Variants in CCDC146 observed in about 807,000 individuals in gnomAD.
CCDC146 encodes coiled-coil domain containing 146.
CCDC146 carries 92 observed loss-of-function variants against 119.3 expected under a neutral mutation model. The observed-to-expected ratio is 0.77, with a 90% CI of 0.65 to 0.92. CCDC146 has a LOEUF of 0.92. Ranked by LOEUF, CCDC146 falls within the 40% of genes least tolerant of loss-of-function variation. The probability of loss-of-function intolerance (pLI) is 0.00; values close to 1 mark genes in which losing one functional copy is unlikely to be tolerated. For synonymous variants in CCDC146, 372 were observed against 371.8 expected (o/e 1.00, Z -0.01); for missense variants, 1,000 against 1,103.0 (o/e 0.91, Z 1.32).
At chr7:77,166,973 C>T (rs71555978) in intron 1 of CCDC146, among the ~76,000 whole-genome samples, 21,705 of 152,132 alleles carry the variant, frequency 0.14, 2,055 homozygotes, top group East Asian at 0.26. Context: ...ATTATTGTTA[C>T]TGCATTGATT....
At chr7:77,191,300 C>A (rs956143537) in intron 2 of CCDC146, among the ~76,000 whole-genome samples, 2 of 152,132 alleles carry the variant, frequency 1.3e-5, no homozygotes, top group Non-Finnish European at 2.9e-5. Flanking sequence ...CCATATTCTC[C>A]CTGGCTGTAA....
Position 77,241,693 on chromosome 7 carries a change from C to T in CCDC146, c.242C>T (p.Thr81Ile), listed in dbSNP as rs745648925. The T allele has an allele frequency of 1.2e-6, 2 of 1,613,674 alleles. No individual in the cohort carries two copies. The highest frequency in any genetic ancestry group is 8.5e-7 in the Non-Finnish European group (1 of 1,179,896). Residue 81 changes from threonine to isoleucine, a missense_variant and splice_region_variant, in exon 4 of 19, where the codon ACA (threonine) becomes ATA (isoleucine). By Grantham distance (89) the Thr-to-Ile change is moderately conservative (BLOSUM62 -1). Around this residue, in one of 2 missense-constraint regions of CCDC146, gnomAD observed 985 missense variants for 1,045.3 expected, o/e 0.94. Transcript: ENST00000285871. ...YTLLHDAVMSTQESEVQLLQN... is the reference protein window; with the variant it reads ...YTLLHDAVMSIQESEVQLLQN... ...TCTCTGTTTTTCATGTAACCCAGCA[C>T]ACAAGAGTCAGAGGTCCAACTGCTA...
rs145398188 is a variant in CCDC146 at position 77,244,088 on chromosome 7, G to C, written c.449+2188G>C. The stretch of plus-strand genomic sequence containing the variant: ...AGACGGGATTTCACCATCTTGGCCA[G>C]GGTGGTCTTGAACTCCTGTATGTCT... On this transcript the variant is annotated intron_variant, in intron 4 of 18. Coordinates refer to ENST00000285871, the MANE Select transcript of CCDC146 (RefSeq NM_020879.3). Among the ~76,000 whole-genome samples the C allele has an allele frequency of 4.2e-3, 640 of 152,120 alleles. 5 individuals are homozygous for C. Among genetic ancestry groups the C allele is most frequent in the African/African-American group, 0.014 (590 of 41,494 alleles).
At chr7:77,136,939 G>T (rs1190123413) in intron 1 of CCDC146, among the ~76,000 whole-genome samples, 1 of 152,078 alleles carries the variant, frequency 6.6e-6, no homozygotes. Flanking sequence ...ATGCAAGGCT[G>T]GTTCAACACT....
intron 2 of CCDC146, among the ~76,000 whole-genome samples, chr7:77,168,276 A>T (rs1403487814): frequency 6.6e-6 from 1 of 152,064 alleles, no homozygotes; most frequent in Admixed American, 6.6e-5. Flanking sequence ...AAAGGGGAAT[A>T]TGATGAATTA....
intron 2 of CCDC146, among the ~76,000 whole-genome samples, chr7:77,222,251 A>G (rs1347401197): frequency 6.6e-6 from 1 of 152,250 alleles, no homozygotes; most frequent in East Asian, 1.9e-4. Flanking sequence ...TTCTGTGAGT[A>G]GCCGTGAAAG....
At chr7:77,141,869 G>C (rs1387557157) in intron 1 of CCDC146, among the ~76,000 whole-genome samples, 1 of 152,112 alleles carries the variant, frequency 6.6e-6, no homozygotes, top group Non-Finnish European at 1.5e-5. Flanking sequence ...TAGGTTGCCT[G>C]TTCACTGTGA....
rs1360691937 is a variant in CCDC146 at position 77,273,769 on chromosome 7, A to C, written c.1249A>C (p.Lys417Gln). ...RELHKEVEVAKRNLAQQKIIS... is the reference protein window; with the variant it reads ...RELHKEVEVAQRNLAQQKIIS... ...GCTTCACAAGGAAGTTGAAGTAGCT[A>C]AGAGGAATTTGGCCCAACAGGTTAA... is the stretch of plus-strand genomic sequence containing the variant. Residue 417 changes from lysine to glutamine, a missense_variant, in exon 10 of 19, where the codon AAG becomes CAG. By Grantham distance (53) the Lys-to-Gln change is moderately conservative. Transcript: ENST00000285871. The C allele has an allele frequency of 6.2e-7, 1 of 1,610,856 alleles. No individual in the cohort carries two copies. The highest frequency in any genetic ancestry group is 1.1e-5 in the South Asian group (1 of 90,776).
At chr7:77,206,766 A>G (rs573941656) in intron 2 of CCDC146, among the ~76,000 whole-genome samples, 14 of 151,464 alleles carry the variant, frequency 9.2e-5, no homozygotes, top group South Asian at 8.3e-4. Context: ...ATGTCATGCC[A>G]TATAGAACAT....
At chr7:77,184,229 A>G (rs1198599260) in intron 2 of CCDC146, among the ~76,000 whole-genome samples, 1 of 152,238 alleles carries the variant, frequency 6.6e-6, no homozygotes. Flanking sequence ...TTCACACATT[A>G]TATATTCTCC....
rs375190124 is a variant in CCDC146 at position 77,261,324 on chromosome 7, C to G, written c.987-797C>G. 1.1e-3 allele frequency among the ~76,000 whole-genome samples: 161 copies of G among 152,220 alleles called. 4 individuals are homozygous for G. The South Asian group carries it at 0.033, about 31-fold the overall frequency. ...TGTGTGTTGTTCTTCTCTATGTGTC[C>G]ATGTATCCTCATCATTTTGCTCCCA... On this transcript the variant is annotated intron_variant, in intron 8 of 18. Transcript: ENST00000285871.
intron 9 of CCDC146, among the ~76,000 whole-genome samples, chr7:77,271,547 T>G (rs1474493267): frequency 3.4e-4 from 32 of 94,074 alleles, no homozygotes; most frequent in African/African-American, 1.6e-3. Flanking sequence ...TATATATATA[T>G]ATATATATAT....
rs150921172 is a variant in CCDC146, at chr7:77,167,812, T to G, written c.144T>G (p.Ile48Met). ...FVDLSETPAF[I>M]FLHELHAMGK... ...ATTTATCTGAAACTCCAGCTTTCAT[T>G]TTTCTGCATGAGGTATATTTTTCTT... Residue 48 changes from isoleucine to methionine, a missense_variant, in exon 2 of 19, where the codon ATT becomes ATG. Ile to Met is a conservative substitution (Grantham distance 10). Transcript: ENST00000285871. 14 of 1,611,770 alleles carry G rather than the reference T, an allele frequency of 8.7e-6. No individual in the cohort carries two copies. The African/African-American group carries it at 1.9e-4, about 22-fold the overall frequency.
At position 77,274,487 on chromosome 7, in the gene CCDC146, T is replaced by C; in HGVS notation, c.1275T>C (p.Ile425=). Residue 425 remains isoleucine, a synonymous_variant, in exon 11 of 19, where the codon ATT becomes ATC. Coordinates refer to ENST00000285871, the MANE Select transcript of CCDC146 (RefSeq NM_020879.3). ...VAKRNLAQQK[I]ISEMESKLVE... The stretch of plus-strand genomic sequence containing the variant: ...TCTGTGTTTTTTTTCAAAAGAAAAT[T>C]ATATCAGAAATGGAGTCTAAGTTAG... 1 of 1,542,770 alleles carries C rather than the reference T, an allele frequency of 6.5e-7. No homozygotes were observed. Among genetic ancestry groups the C allele is most frequent in the South Asian group, 1.2e-5 (1 of 81,172 alleles).
intron 2 of CCDC146, among the ~76,000 whole-genome samples, chr7:77,212,325 C>G (rs1792200093): frequency 6.6e-6 from 1 of 151,888 alleles, no homozygotes; most frequent in Non-Finnish European, 1.5e-5. Flanking sequence ...ATAACAAGTT[C>G]AAAAACATAT....
intron 9 of CCDC146, among the ~76,000 whole-genome samples, chr7:77,265,637 A>G (rs1332382890): frequency 6.6e-6 from 1 of 152,240 alleles, no homozygotes; most frequent in African/African-American, 2.4e-5. Context: ...ACATAAACCT[A>G]ATACACAATG....
chr7:77,211,578 G>A (rs553114332), intron 2 of CCDC146, among the ~76,000 whole-genome samples: 23 of 151,776 alleles, frequency 1.5e-4, no homozygotes, highest in Non-Finnish European at 3.1e-4. Context: ...TTGTTACAGG[G>A]TTTGTGCTGC....
intron 2 of CCDC146, among the ~76,000 whole-genome samples, chr7:77,206,953 C>T (rs527893032): frequency 1.3e-5 from 2 of 152,064 alleles, no homozygotes; most frequent in East Asian, 3.9e-4. Flanking sequence ...ATGCCAAATG[C>T]ATGTCTTTTA....
intron 1 of CCDC146, among the ~76,000 whole-genome samples, chr7:77,135,615 C>G (rs964964689): frequency 1.3e-5 from 2 of 152,090 alleles, no homozygotes; most frequent in African/African-American, 4.8e-5. Context: ...CATTGTCTTG[C>G]TTAAAGTCTC....
Sources: gnomAD v4.1 joint callset for allele counts (sites outside exome capture counted in the v4.1 genomes callset) on GRCh38, gnomAD v4.1.1 for gene constraint, gnomAD v4.1.1 regional missense constraint, MANE v1.5 for transcripts, NCBI Gene and HGNC (gene_info 2026-07-23, HGNC 2026-07-21) for gene names.